Variants in CHD9 observed in about 807,000 individuals in gnomAD.
CHD9 encodes the protein chromodomain helicase DNA binding protein 9, also known as ATP-dependent chromatin remodeler CHD9.
CHD9 carries 77 observed loss-of-function variants against 316.1 expected under a neutral mutation model. The ratio of observed to expected loss-of-function variants is 0.24; its 90% CI spans 0.20 to 0.29. CHD9 has a LOEUF of 0.29. Ranked by LOEUF, CHD9 falls within the 10% of genes least tolerant of loss-of-function variation. The probability of loss-of-function intolerance (pLI) is 1.00; values close to 1 mark genes in which losing one functional copy is unlikely to be tolerated. For missense variants in CHD9, 2,763 were observed against 3,438.1 expected (o/e 0.80, Z 4.91); for synonymous variants, 1,129 against 1,158.3 (o/e 0.97, Z 0.51).
chr16:53,119,990 C>T (rs1597049697), intron 1 of CHD9, among the ~76,000 whole-genome samples: 1 of 151,942 alleles, frequency 6.6e-6, no homozygotes, highest in East Asian at 1.9e-4. Flanking sequence ...CTTTGGGAGG[C>T]TGACGCAGGA....
chr16:53,254,660 T>C (rs2050424034), intron 18 of CHD9, 55 bp downstream of exon 18: 1 of 1,496,484 alleles, frequency 6.7e-7, no homozygotes, highest in African/African-American at 1.4e-5. Flanking sequence ...CATTTGATTT[T>C]ACCTCCAATA....
At chr16:53,247,211 C>G (rs1382970461) in intron 15 of CHD9, 82 bp from the exon 16 acceptor site, 1 of 909,222 alleles carries the variant, frequency 1.1e-6, no homozygotes. Flanking sequence ...CACACAGGAG[C>G]ACTAATTGTG....
chr16:53,120,272 C>T (rs888468586), intron 1 of CHD9, among the ~76,000 whole-genome samples: 1 of 151,962 alleles, frequency 6.6e-6, no homozygotes, highest in Non-Finnish European at 1.5e-5. Flanking sequence ...AAAAATTGCA[C>T]TAGGATGGGT....
chr16:53,070,616 G>A (rs936275225), intron 1 of CHD9, among the ~76,000 whole-genome samples: 1 of 150,856 alleles, frequency 6.6e-6, no homozygotes, highest in African/African-American at 2.4e-5. Context: ...GTGTAATGGC[G>A]TGATCTTGGC....
Position 53,314,497 on chromosome 16 carries a change from G to T in CHD9, c.7343G>T (p.Arg2448Ile). The change falls in exon 35 of 39, where the codon AGA becomes ATA. Residue 2448 changes from arginine to isoleucine, a missense_variant. Transcript: ENST00000447540. The stretch of plus-strand genomic sequence containing the variant: ...GGTGTTGACATCTTCTTTTTTAACA[G>T]AAATAAACCACCTAATCATGTAAGT... ...VEGVDIFFFN[R>I]NKPPNHVSLG... is the part of the protein sequence containing the mutation. 3 of 1,575,368 alleles carry T rather than the reference G, an allele frequency of 1.9e-6. No individual in the cohort carries two copies. Among genetic ancestry groups the T allele is most frequent in the Non-Finnish European group, 2.6e-6 (3 of 1,160,060 alleles).
chr16:53,291,759 C>T lies in CHD9; in HGVS notation c.5282C>T (p.Ala1761Val). The T allele has an allele frequency of 6.4e-7, 1 of 1,558,586 alleles. No individual in the cohort carries two copies. The highest frequency in any genetic ancestry group is 1.2e-5 in the South Asian group (1 of 81,048). The part of the protein sequence containing the change: ...DVSSPGDLVI[A>V]DGDGQLMEGD... ...TCCTCACCAGGAGATCTTGTTATAG[C>T]AGATGGAGGTAAATTGCACGTACTT... The change falls in exon 28 of 39, where the codon GCA (alanine) becomes GTA (valine). Residue 1761 changes from alanine to valine, a missense_variant. Ala to Val is a moderately conservative substitution (Grantham distance 64, BLOSUM62 0). Transcript: ENST00000447540.
At chr16:53,215,470 A>G (rs1163454055) in intron 3 of CHD9, among the ~76,000 whole-genome samples, 2 of 152,234 alleles carry the variant, frequency 1.3e-5, no homozygotes, top group Middle Eastern at 3.4e-3. Context: ...TTTTTCTAAG[A>G]TGAGTTTAAG....
At chr16:53,293,646 G>A (rs1391210725) in intron 29 of CHD9, among the ~76,000 whole-genome samples, 2 of 151,326 alleles carry the variant, frequency 1.3e-5, no homozygotes, top group African/African-American at 4.9e-5. Flanking sequence ...AAGGCATAGA[G>A]CAAACTCATG....
chr16:53,209,906 T>A, intron 3 of CHD9, 93 bp downstream of exon 3: 1 of 876,766 alleles, frequency 1.1e-6, no homozygotes, highest in Non-Finnish European at 1.7e-6. Context: ...GTATATTTAC[T>A]CCCATATTTG....
At position 53,226,440 on chromosome 16, in the gene CHD9, G is replaced by A. The variant is rs555097665; in HGVS notation, c.1971G>A (p.Glu657=). The change falls in exon 5 of 39, where the codon GAG becomes GAA. Residue 657 remains glutamate (E), a synonymous_variant. Coordinates refer to ENST00000447540, the MANE Select transcript of CHD9 (RefSeq NM_001308319.2). The part of the protein sequence containing the change: ...EDIEGKQSEE[E]VKGSMKIKKN... ...TAGAAGGGAAGCAATCTGAAGAAGAGGTTAAAGGTTCTATGAAAATAAAAA... is the reference window on the plus strand; with the variant it reads ...TAGAAGGGAAGCAATCTGAAGAAGAAGTTAAAGGTTCTATGAAAATAAAAA... The A allele has an allele frequency of 1.2e-6, 2 of 1,605,950 alleles. No homozygotes were observed. Among genetic ancestry groups the A allele is most frequent in the South Asian group, 1.1e-5 (1 of 88,922 alleles).
intron 25 of CHD9, among the ~76,000 whole-genome samples, chr16:53,286,005 T>C (rs2053840100): frequency 6.6e-6 from 1 of 152,162 alleles, no homozygotes; most frequent in African/African-American, 2.4e-5. Flanking sequence ...ATTTCTCATA[T>C]TAACTGATAA....
chr16:53,071,979 G>A (rs1430001492), intron 1 of CHD9, among the ~76,000 whole-genome samples: 1 of 152,152 alleles, frequency 6.6e-6, no homozygotes, highest in Non-Finnish European at 1.5e-5. Flanking sequence ...AGTTTATTGT[G>A]CATCTTGTTT....
In CHD9 at chr16:53,304,089, T is replaced by C. The variant is rs1281664755; in HGVS notation, c.6083T>C (p.Leu2028Pro). The C allele has an allele frequency of 6.8e-6, 11 of 1,614,004 alleles. No individual in the cohort carries two copies. In the South Asian group the frequency reaches 1.2e-4, roughly 18 times the overall value. ...QYQVALSASPLTSLPRLLDAK... is the reference protein window; with the variant it reads ...QYQVALSASPPTSLPRLLDAK... ...CAAGTAGCACTTTCTGCTTCTCCTC[T>C]TACCTCTCTACCTAGGCTCCTAGAT... The change falls in exon 31 of 39, where the codon CTT becomes CCT. Residue 2028 changes from leucine to proline, a missense_variant. Physicochemically the swap from Leu to Pro is moderately conservative, Grantham distance 98 (BLOSUM62 -3). Coordinates refer to ENST00000447540, the MANE Select transcript of CHD9 (RefSeq NM_001308319.2).
chr16:53,067,975 C>T (rs1039100907), intron 1 of CHD9, among the ~76,000 whole-genome samples: 4 of 152,200 alleles, frequency 2.6e-5, no homozygotes, highest in Admixed American at 6.5e-5. Flanking sequence ...AGGAGAATTG[C>T]TTGAGCCCAG....
chr16:53,074,619 G>T (rs1466666260), intron 1 of CHD9, among the ~76,000 whole-genome samples: 1 of 152,218 alleles, frequency 6.6e-6, no homozygotes, highest in Admixed American at 6.5e-5. Flanking sequence ...TGGGTGAAAG[G>T]GGTCAATGTA....
At chr16:53,203,542 C>G (rs896793152) in intron 2 of CHD9, among the ~76,000 whole-genome samples, 3 of 152,136 alleles carry the variant, frequency 2.0e-5, no homozygotes, top group Non-Finnish European at 4.4e-5. Flanking sequence ...ATGTCCTCTT[C>G]CATTGAAACT....
rs944267610 is a variant in CHD9, at chr16:53,235,179, A to G, written c.2512-6A>G. The G allele has an allele frequency of 2.6e-6, 4 of 1,551,810 alleles. No homozygotes were observed. The highest frequency in any genetic ancestry group is 3.5e-6 in the Non-Finnish European group (4 of 1,147,308). ...AACACCATTCATTCTTTGTTTTTCC[A>G]CAAAGGACCGTCCTCCTTCTAATAT... On this transcript the variant is annotated splice_polypyrimidine_tract_variant and splice_region_variant and intron_variant, in intron 10 of 38. Transcript: ENST00000447540.
At chr16:53,182,479 A>G (rs959778595) in intron 2 of CHD9, among the ~76,000 whole-genome samples, 1 of 152,162 alleles carries the variant, frequency 6.6e-6, no homozygotes, top group Admixed American at 6.5e-5. Context: ...CCTTCAGAGG[A>G]TAGTCTTTTG....
intron 34 of CHD9, 44 bp downstream of exon 34, chr16:53,308,898 G>A (rs371366699): frequency 1.4e-4 from 215 of 1,486,326 alleles, no homozygotes; most frequent in Middle Eastern, 3.5e-4. Flanking sequence ...AATATTTTCT[G>A]TCATGTCCAA....
Sources: gnomAD v4.1 joint callset for allele counts (sites outside exome capture counted in the v4.1 genomes callset) on GRCh38, gnomAD v4.1.1 for gene constraint, MANE v1.5 for transcripts, NCBI Gene and HGNC (gene_info 2026-07-23, HGNC 2026-07-21) for gene names.